Variants in ZBTB20 observed in about 807,000 individuals in gnomAD.
ZBTB20 encodes zinc finger and BTB domain containing 20.
ZBTB20 carries 9 observed loss-of-function variants against 56.9 expected under a neutral mutation model. The ratio of observed to expected loss-of-function variants is 0.16; its 90% CI spans 0.10 to 0.28. ZBTB20 has a LOEUF of 0.28. Among genes scored for constraint, ZBTB20 ranks in the 10% least tolerant of loss-of-function variants. ZBTB20 has a pLI of 1.00. For synonymous variants in ZBTB20, 417 were observed against 420.7 expected (o/e 0.99, Z 0.11); for missense variants, 655 against 1,003.0 (o/e 0.65, Z 4.69).
intron 5 of ZBTB20, among the ~76,000 whole-genome samples, chr3:114,733,844 CAT>C (rs1179065510): frequency 6.6e-6 from 1 of 152,116 alleles, no homozygotes; most frequent in Non-Finnish European, 1.5e-5. Context: ...CTGATGTACA[CAT>C]AGAGTAACTA....
intron 6 of ZBTB20, among the ~76,000 whole-genome samples, chr3:114,631,645 C>T (rs1250034093): frequency 6.6e-6 from 1 of 151,986 alleles, no homozygotes; most frequent in Non-Finnish European, 1.5e-5. Context: ...CCTGCCTCGG[C>T]CTCCCAAAGT....
chr3:114,566,636 C>G (rs770753843), intron 6 of ZBTB20, among the ~76,000 whole-genome samples: 2 of 152,140 alleles, frequency 1.3e-5, no homozygotes, highest in Non-Finnish European at 1.5e-5. Context: ...GCTGCCCATT[C>G]AATTGTACAC....
At chr3:114,478,387 A>G (rs2041126002) in intron 7 of ZBTB20, among the ~76,000 whole-genome samples, 1 of 152,194 alleles carries the variant, frequency 6.6e-6, no homozygotes, top group Non-Finnish European at 1.5e-5. Context: ...CTTCCCATTC[A>G]CTTTAATCAG....
chr3:114,834,982 T>C (rs2074048212), intron 4 of ZBTB20, among the ~76,000 whole-genome samples: 1 of 152,184 alleles, frequency 6.6e-6, no homozygotes, highest in African/African-American at 2.4e-5. Flanking sequence ...GGAAAGTTGT[T>C]GTGGTCACCC....
intron 2 of ZBTB20, among the ~76,000 whole-genome samples, chr3:115,063,037 A>G (rs2082068589): frequency 6.6e-6 from 1 of 152,152 alleles, no homozygotes; most frequent in African/African-American, 2.4e-5. Context: ...TTTGTAACAT[A>G]TATTTAAGGT....
chr3:115,004,923 CTTAT>C (rs2079402378), intron 2 of ZBTB20, among the ~76,000 whole-genome samples: 1 of 151,606 alleles, frequency 6.6e-6, no homozygotes, highest in African/African-American at 2.4e-5. Context: ...GTTCATGCAA[CTTAT>C]TTACTTATCC....
chr3:114,826,096 C>T (rs1456707524), intron 4 of ZBTB20, among the ~76,000 whole-genome samples: 1 of 151,622 alleles, frequency 6.6e-6, no homozygotes, highest in East Asian at 1.9e-4. Context: ...AAACAACCAC[C>T]TCACCTTCTG....
chr3:114,759,520 G>A (rs1578743212), intron 5 of ZBTB20, among the ~76,000 whole-genome samples: 1 of 152,082 alleles, frequency 6.6e-6, no homozygotes, highest in Non-Finnish European at 1.5e-5. Flanking sequence ...TCACAAAAGA[G>A]GTCTCTAGCC....
intron 2 of ZBTB20, among the ~76,000 whole-genome samples, chr3:115,021,376 G>A: frequency 6.6e-6 from 1 of 150,632 alleles, no homozygotes; most frequent in Admixed American, 6.6e-5. Context: ...TAAAGACTGG[G>A]GTAGTATGTA....
intron 6 of ZBTB20, chr3:114,684,622 T>TG (rs1376672356): frequency 6.6e-6 from 1 of 152,180 alleles, no homozygotes; most frequent in East Asian, 1.9e-4. Flanking sequence ...AGGATGAAGG[T>TG]GGGGTTATTT....
chr3:114,599,499 C>T (rs1028427570), intron 6 of ZBTB20, among the ~76,000 whole-genome samples: 3 of 151,918 alleles, frequency 2.0e-5, no homozygotes, highest in Admixed American at 6.6e-5. Flanking sequence ...TGCAAAATAC[C>T]TTGGTATAAC....
chr3:114,903,916 T>G (rs1293295072), intron 3 of ZBTB20, among the ~76,000 whole-genome samples: 1 of 152,068 alleles, frequency 6.6e-6, no homozygotes, highest in East Asian at 1.9e-4. Context: ...TTTTTTCTTA[T>G]GGCTGGGAAG....
chr3:114,765,415 G>A (rs2068720478), intron 5 of ZBTB20, among the ~76,000 whole-genome samples: 1 of 152,128 alleles, frequency 6.6e-6, no homozygotes, highest in Admixed American at 6.6e-5. Flanking sequence ...CTATATTAAA[G>A]ATGAAGGCAG....
intron 11 of ZBTB20, among the ~76,000 whole-genome samples, chr3:114,346,667 T>A (rs1345367096): frequency 6.6e-6 from 1 of 150,568 alleles, no homozygotes; most frequent in Non-Finnish European, 1.5e-5. Context: ...ATGGACTACT[T>A]CTTTGTCTCA....
intron 6 of ZBTB20, among the ~76,000 whole-genome samples, chr3:114,596,640 C>T (rs2056338362): frequency 2.0e-5 from 3 of 152,046 alleles, no homozygotes; most frequent in Admixed American, 6.6e-5. Context: ...TGTACACAGC[C>T]GGCCACAGCT....
At chr3:115,105,942 T>C (rs995471837) in intron 1 of ZBTB20, among the ~76,000 whole-genome samples, 55 of 151,170 alleles carry the variant, frequency 3.6e-4, no homozygotes, top group Admixed American at 8.6e-4. Context: ...CTCAGCCTCC[T>C]GACTAGCTGG....
intron 6 of ZBTB20, among the ~76,000 whole-genome samples, chr3:114,522,978 T>C (rs1688760753): frequency 6.6e-6 from 1 of 152,080 alleles, no homozygotes; most frequent in African/African-American, 2.4e-5. Context: ...ACCATAAGCT[T>C]GGGTGCAAAT....
intron 4 of ZBTB20, among the ~76,000 whole-genome samples, chr3:114,851,336 C>T (rs1385779787): frequency 6.6e-6 from 1 of 152,162 alleles, no homozygotes; most frequent in Non-Finnish European, 1.5e-5. Context: ...CACATACACA[C>T]AATTTATTTA....
chr3:114,890,432 G>C (rs2076763518), intron 4 of ZBTB20, among the ~76,000 whole-genome samples: 2 of 152,152 alleles, frequency 1.3e-5, no homozygotes, highest in South Asian at 4.1e-4. Flanking sequence ...AACTCGGATA[G>C]GATGGTCTGA....
Sources: allele counts gnomAD v4.1 joint callset (sites outside exome capture counted in the v4.1 genomes callset), GRCh38; gene constraint gnomAD v4.1.1; transcripts MANE v1.5; gene names NCBI Gene and HGNC (gene_info 2026-07-23, HGNC 2026-07-21).